Variants in NARS2 observed in about 807,000 individuals in gnomAD.
The protein encoded by NARS2 is asparaginyl-tRNA synthetase 2, mitochondrial.
In NARS2, 60 loss-of-function variants were observed where a neutral mutation model predicts 62.9. The observed-to-expected ratio is 0.95, with a 90% CI of 0.77 to 1.18. NARS2 has a LOEUF of 1.18. Among genes scored for constraint, NARS2 ranks in the 50% most tolerant of loss-of-function variants. The pLI is 0.00. For synonymous variants in NARS2, 196 were observed against 200.0 expected (o/e 0.98, Z 0.17); for missense variants, 619 against 576.4 (o/e 1.07, Z -0.76).
chr11:78,439,711 C>T (rs1857517572), intron 13 of NARS2, among the ~76,000 whole-genome samples: 1 of 152,148 alleles, frequency 6.6e-6, no homozygotes, highest in Admixed American at 6.5e-5. Flanking sequence ...AAACCTATCT[C>T]CTTCCATACC....
intron 11 of NARS2, among the ~76,000 whole-genome samples, chr11:78,465,256 G>C (rs1858572008): frequency 6.6e-6 from 1 of 152,260 alleles, no homozygotes; most frequent in South Asian, 2.1e-4. Context: ...AAGCACCGCA[G>C]GCAGCCCTGG....
intron 6 of NARS2, among the ~76,000 whole-genome samples, chr11:78,521,631 A>G (rs544578012): frequency 1.3e-5 from 2 of 152,228 alleles, no homozygotes; most frequent in South Asian, 4.1e-4. Context: ...TCTACTAAAC[A>G]TACAAAAAAT....
At chr11:78,530,947 A>G (rs1363755394) in intron 5 of NARS2, among the ~76,000 whole-genome samples, 1 of 152,188 alleles carries the variant, frequency 6.6e-6, no homozygotes. Context: ...TTTCTTTTAT[A>G]TTACAATTAA....
At chr11:78,554,508 C>CGTGTGTGTGCGTGTGTGT (rs1856263403) in intron 5 of NARS2, among the ~76,000 whole-genome samples, 1 of 146,914 alleles carries the variant, frequency 6.8e-6, no homozygotes, top group South Asian at 2.2e-4. Flanking sequence ...GGCGTGTGTG[C>CGTGTGTGTGCGTGTGTGT]GTGTGTGTGT....
Position 78,554,508 on chromosome 11 carries a change from C to CATGTGTGTGTGTGTGTGTGTGTGTGTGT in NARS2, c.594+5030_594+5031insACACACACACACACACACACACACACAT, listed in dbSNP as rs1555041423. ...TTAGCTGTATTCCTAGGCGTGTGTG[C>CATGTGTGTGTGTGTGTGTGTGTGTGTGT]GTGTGTGTGTGTGTGTGTGTGTCAA... is the stretch of plus-strand genomic sequence containing the variant. On this transcript the variant is annotated intron_variant, in intron 5 of 13. Transcript: ENST00000281038. Among the ~76,000 whole-genome samples, 405 of 147,012 alleles carry CATGTGTGTGTGTGTGTGTGTGTGTGTGT rather than the reference C, an allele frequency of 2.8e-3. 6 individuals are homozygous for CATGTGTGTGTGTGTGTGTGTGTGTGTGT. Among genetic ancestry groups the CATGTGTGTGTGTGTGTGTGTGTGTGTGT allele is most frequent in the African/African-American group, 9.9e-3 (391 of 39,396 alleles).
intron 6 of NARS2, among the ~76,000 whole-genome samples, chr11:78,503,401 C>G (rs7932587): frequency 0.65 from 98,591 of 151,886 alleles, 35,236 homozygotes; most frequent in Non-Finnish European, 0.81. Context: ...CCACGCCCAG[C>G]TAATTTTTGT....
chr11:78,519,246 G>A (rs533630526), intron 6 of NARS2, among the ~76,000 whole-genome samples: 1 of 152,112 alleles, frequency 6.6e-6, no homozygotes, highest in Non-Finnish European at 1.5e-5. Flanking sequence ...TATCTGAATT[G>A]ATTAAATAAT....
intron 6 of NARS2, among the ~76,000 whole-genome samples, chr11:78,517,601 C>G (rs1860961433): frequency 1.3e-5 from 2 of 152,170 alleles, no homozygotes; most frequent in African/African-American, 4.8e-5. Flanking sequence ...CCAGCAGATT[C>G]CTTGGTCCAT....
intron 6 of NARS2, among the ~76,000 whole-genome samples, chr11:78,526,824 A>C (rs1861312404): frequency 6.6e-6 from 1 of 152,136 alleles, no homozygotes; most frequent in East Asian, 1.9e-4. Context: ...CTTGCTTCTA[A>C]CTTTATAAAT....
At position 78,458,239 on chromosome 11, in the gene NARS2, A is replaced by G. The variant is rs1014944024; in HGVS notation, c.1164+7637T>C. Reference sequence around the variant, plus strand: ...ATACCATTCTATATTCCATAAATACATACAATTATTACATGTCAACTAAAC... The same window carrying G: ...ATACCATTCTATATTCCATAAATACGTACAATTATTACATGTCAACTAAAC... On this transcript the variant is annotated intron_variant, in intron 11 of 13. Transcript: ENST00000281038. Among the ~76,000 whole-genome samples, 21 of 152,342 alleles carry G rather than the reference A, an allele frequency of 1.4e-4. No individual in the cohort carries two copies. The East Asian group carries it at 4.0e-3, about 29-fold the overall frequency.
At chr11:78,500,492 G>T (rs1036265302) in intron 6 of NARS2, among the ~76,000 whole-genome samples, 4 of 149,450 alleles carry the variant, frequency 2.7e-5, no homozygotes, top group East Asian at 2.0e-4. Flanking sequence ...ATTTTTTTTT[G>T]AGGCAGGGTC....
intron 11 of NARS2, among the ~76,000 whole-genome samples, chr11:78,460,798 G>T (rs1007912938): frequency 6.6e-6 from 1 of 152,200 alleles, no homozygotes; most frequent in Admixed American, 6.5e-5. Context: ...CAATGAGTCA[G>T]CCCTCTGTAT....
Position 78,493,188 on chromosome 11 carries a change from T to TA in NARS2, c.696dup (p.Thr233TyrfsTer13). ...GTCGGACCAAAGGTAAACACTTGAGTAAAAGCTCTGCAATTCAAGATTAAG... is the reference window on the plus strand; with the variant it reads ...GTCGGACCAAAGGTAAACACTTGAGTAAAAAGCTCTGCAATTCAAGATTAAG... On this transcript the variant is annotated frameshift_variant, in exon 7 of 14. Coordinates refer to ENST00000281038, the MANE Select transcript of NARS2 (RefSeq NM_024678.6). LOFTEE classifies it high-confidence loss of function. 1 of 1,611,962 alleles carries TA rather than the reference T, an allele frequency of 6.2e-7. No individual in the cohort carries two copies. The highest frequency in any genetic ancestry group is 8.5e-7 in the Non-Finnish European group (1 of 1,179,528).
intron 11 of NARS2, among the ~76,000 whole-genome samples, chr11:78,460,271 A>AATTT (rs1555012864): frequency 1.4e-5 from 2 of 145,236 alleles, no homozygotes; most frequent in Admixed American, 1.4e-4. Context: ...GATTGGGTTA[A>AATTT]TTTTTTTTTT....
intron 6 of NARS2, among the ~76,000 whole-genome samples, chr11:78,495,230 T>C (rs970461099): frequency 6.6e-6 from 1 of 152,164 alleles, no homozygotes; most frequent in Non-Finnish European, 1.5e-5. Flanking sequence ...CATCCTTTTA[T>C]CCAGCCACTC....
chr11:78,574,372 C>G lies in NARS2; in HGVS notation c.117G>C (p.Ala39=), dbSNP rs1328183372. 1.2e-6 allele frequency: 2 copies of G among 1,614,128 alleles called. No homozygotes were observed. Among genetic ancestry groups the G allele is most frequent in the Admixed American group, 1.7e-5 (1 of 60,016 alleles). The part of the protein sequence containing the change: ...SVRDALGAQN[A]SGERIKIQGW... ...CCTGGATCTTAATGCGCTCCCCACT[C>G]GCGTTCTGAGCCCCGAGAGCGTCCC... is the stretch of plus-strand genomic sequence containing the variant. Residue 39 remains alanine (A), a synonymous_variant, in exon 1 of 14, where the codon GCG becomes GCC. Coordinates refer to ENST00000281038, the MANE Select transcript of NARS2 (RefSeq NM_024678.6).
intron 9 of NARS2, among the ~76,000 whole-genome samples, chr11:78,473,386 C>T (rs935563224): frequency 1.3e-5 from 2 of 152,166 alleles, no homozygotes; most frequent in Admixed American, 6.5e-5. Context: ...GAATCTAATG[C>T]TGTTTGTTAT....
At chr11:78,535,721 G>A (rs6592789) in intron 5 of NARS2, among the ~76,000 whole-genome samples, 5 of 151,610 alleles carry the variant, frequency 3.3e-5, no homozygotes, top group South Asian at 2.1e-4. Context: ...CCTCTGCCCC[G>A]CCAGGTTCAA....
chr11:78,463,652 C>A (rs1858481861), intron 11 of NARS2, among the ~76,000 whole-genome samples: 1 of 149,568 alleles, frequency 6.7e-6, no homozygotes, highest in Admixed American at 6.7e-5. Flanking sequence ...CGCCATTGCA[C>A]CCCAGCCTGG....
Sources: allele counts gnomAD v4.1 joint callset (sites outside exome capture counted in the v4.1 genomes callset), GRCh38; gene constraint gnomAD v4.1.1; transcripts MANE v1.5; gene names NCBI Gene and HGNC (gene_info 2026-07-23, HGNC 2026-07-21).